Variants in TAFA5 observed in about 807,000 individuals in gnomAD.
TAFA5 encodes TAFA chemokine like family member 5.
Under a neutral mutation model 15.3 loss-of-function variants are expected in TAFA5, and 6 were observed. The observed-to-expected ratio is 0.39, with a 90% CI of 0.21 to 0.77. The LOEUF (loss-of-function observed/expected upper bound fraction) is 0.77. TAFA5 is among the 30% of genes least tolerant of loss of function. TAFA5 has a pLI of 0.41. For synonymous variants in TAFA5, 103 were observed against 80.7 expected (o/e 1.28, Z -1.48); for missense variants, 161 against 193.1 (o/e 0.83, Z 0.98).
chr22:48,504,669 G>A (rs956555865), intron 1 of TAFA5, among the ~76,000 whole-genome samples: 2 of 152,236 alleles, frequency 1.3e-5, no homozygotes, highest in East Asian at 3.9e-4. Flanking sequence ...CTGCCCCACA[G>A]CCAGCTCTGG....
intron 1 of TAFA5, among the ~76,000 whole-genome samples, chr22:48,532,280 C>T (rs933679803): frequency 2.6e-5 from 4 of 152,220 alleles, no homozygotes; most frequent in Middle Eastern, 3.2e-3. Context: ...GGAGGCCGCA[C>T]GTCTAATCTT....
intron 1 of TAFA5, among the ~76,000 whole-genome samples, chr22:48,633,514 C>T (rs1926312066): frequency 1.4e-5 from 1 of 73,816 alleles, no homozygotes; most frequent in Non-Finnish European, 2.6e-5. Context: ...GTCTGTCTGT[C>T]TGTCTGTCTG....
chr22:48,558,285 C>G (rs1215221158), intron 1 of TAFA5, among the ~76,000 whole-genome samples: 2 of 152,232 alleles, frequency 1.3e-5, no homozygotes, highest in Admixed American at 6.5e-5. Flanking sequence ...TTTTCCTCGG[C>G]ACACACTCAT....
At chr22:48,513,317 C>T (rs1050220411) in intron 1 of TAFA5, among the ~76,000 whole-genome samples, 2 of 152,210 alleles carry the variant, frequency 1.3e-5, no homozygotes, top group African/African-American at 2.4e-5. Flanking sequence ...AACATCGAAG[C>T]GTTTTGTTAC....
chr22:48,611,629 G>A (rs943977926), intron 1 of TAFA5, among the ~76,000 whole-genome samples: 11 of 152,044 alleles, frequency 7.2e-5, no homozygotes, highest in Non-Finnish European at 1.5e-4. Flanking sequence ...CAGAGATGTC[G>A]CCCCTTTGGT....
intron 2 of TAFA5, among the ~76,000 whole-genome samples, chr22:48,699,176 A>T (rs1359642677): frequency 1.3e-5 from 2 of 151,964 alleles, no homozygotes; most frequent in Non-Finnish European, 2.9e-5. Flanking sequence ...CAGGTGATCG[A>T]CTAGCCTGGG....
chr22:48,747,101 T>G lies in TAFA5; in HGVS notation c.391-2738T>G, dbSNP rs560629664. 3.3e-3 allele frequency among the ~76,000 whole-genome samples: 496 copies of G among 152,212 alleles called. 1 individual carries two copies. The highest frequency in any genetic ancestry group is 0.011 in the African/African-American group (475 of 41,530). Reference sequence around the variant, plus strand: ...AACAGGACTGGAGGCCACCATGGTGTCACCATTCCCGCCCGGCCCTGCCCT... The same window carrying G: ...AACAGGACTGGAGGCCACCATGGTGGCACCATTCCCGCCCGGCCCTGCCCT... On this transcript the variant is annotated intron_variant, in intron 3 of 3. Transcript: ENST00000402357.
rs901376921 is a variant in TAFA5, at chr22:48,535,368, G to A, written c.112+45664G>A. Among the ~76,000 whole-genome samples the A allele has an allele frequency of 3.9e-5, 6 of 152,242 alleles. No homozygotes were observed. In the East Asian group the frequency reaches 9.6e-4, roughly 24 times the overall value. On this transcript the variant is annotated intron_variant, in intron 1 of 3. Coordinates refer to ENST00000402357, the MANE Select transcript of TAFA5 (RefSeq NM_001082967.3). ...ACAGGAGTGCGTCAACAGAGGATGT[G>A]ATGGCCTTAGAAGAAATGTCTGACT...
intron 1 of TAFA5, among the ~76,000 whole-genome samples, chr22:48,587,251 A>T (rs1053990941): frequency 6.6e-6 from 1 of 152,038 alleles, no homozygotes; most frequent in Non-Finnish European, 1.5e-5. Flanking sequence ...TGTGGGCACG[A>T]GTTCTGGAGG....
chr22:48,509,084 T>G (rs4823792), intron 1 of TAFA5, among the ~76,000 whole-genome samples: 41,725 of 152,130 alleles, frequency 0.27, 6,729 homozygotes, highest in Middle Eastern at 0.41. Flanking sequence ...GTGCCTAACT[T>G]GTTTCACTTA....
intron 2 of TAFA5, among the ~76,000 whole-genome samples, chr22:48,697,823 GTGA>G (rs1928765767): frequency 6.6e-6 from 1 of 151,622 alleles, no homozygotes; most frequent in Admixed American, 6.6e-5. Context: ...GGTAGTGGTG[GTGA>G]TGTTGGTGAT....
At chr22:48,626,120 G>C (rs1221718659) in intron 1 of TAFA5, among the ~76,000 whole-genome samples, 1 of 152,190 alleles carries the variant, frequency 6.6e-6, no homozygotes, top group East Asian at 1.9e-4. Context: ...GTTGCTTCCA[G>C]TTTGGGGTGA....
chr22:48,654,570 G>A (rs1288496000), intron 2 of TAFA5, among the ~76,000 whole-genome samples: 1 of 152,256 alleles, frequency 6.6e-6, no homozygotes, highest in African/African-American at 2.4e-5. Flanking sequence ...GCCCAGGCAC[G>A]TCCCATCCCT....
chr22:48,735,852 GCACTCCTA>G, intron 3 of TAFA5, among the ~76,000 whole-genome samples: 1 of 30,054 alleles, frequency 3.3e-5, no homozygotes, highest in African/African-American at 1.4e-4. Context: ...AATGAGAATC[GCACTCCTA>G]GAGTCCATCC....
chr22:48,665,241 A>G (rs1350922427), intron 2 of TAFA5, among the ~76,000 whole-genome samples: 1 of 151,920 alleles, frequency 6.6e-6, no homozygotes, highest in African/African-American at 2.4e-5. Flanking sequence ...TGCGTCTTCC[A>G]CTCATGTTTA....
intron 3 of TAFA5, among the ~76,000 whole-genome samples, chr22:48,717,509 T>G (rs1300678238): frequency 6.6e-6 from 1 of 152,194 alleles, no homozygotes; most frequent in Admixed American, 6.5e-5. Flanking sequence ...ATTCCAAATA[T>G]GCAGGCATTC....
chr22:48,706,187 C>T (rs912152971), intron 2 of TAFA5, among the ~76,000 whole-genome samples: 1 of 152,212 alleles, frequency 6.6e-6, no homozygotes, highest in Non-Finnish European at 1.5e-5. Flanking sequence ...TCTCTGCATC[C>T]TGGGGCCAGT....
chr22:48,693,144 C>G, intron 2 of TAFA5: 1 of 734,392 alleles, frequency 1.4e-6, no homozygotes, highest in Non-Finnish European at 2.2e-6. Context: ...GACGTGACCT[C>G]GAGTCGAAGC....
Position 48,583,761 on chromosome 22 carries a change from C to T in TAFA5, c.113-62836C>T, listed in dbSNP as rs574863043. Among the ~76,000 whole-genome samples, 94 of 12,016 alleles carry T rather than the reference C, an allele frequency of 7.8e-3. 1 individual carries two copies. Among genetic ancestry groups the T allele is most frequent in the African/African-American group, 0.024 (89 of 3,656 alleles). 7.9% of individuals were successfully genotyped at this position (12,016 alleles called of 152,430 possible). A position where few individuals can be genotyped will look rare whatever the true frequency, so the allele number is the denominator to read the frequency against. On this transcript the variant is annotated intron_variant, in intron 1 of 3. Coordinates refer to ENST00000402357, the MANE Select transcript of TAFA5 (RefSeq NM_001082967.3). The stretch of plus-strand genomic sequence containing the variant: ...ACACAGACACCACACACACAGTACA[C>T]GCCACAGAAAATATACCATGCAAAC...
Sources: gnomAD v4.1 joint callset for allele counts (sites outside exome capture counted in the v4.1 genomes callset) on GRCh38, gnomAD v4.1.1 for gene constraint, MANE v1.5 for transcripts, NCBI Gene and HGNC (gene_info 2026-07-23, HGNC 2026-07-21) for gene names.